AMD1: variants seen among roughly 807,000 people sequenced by gnomAD.
AMD1 encodes the protein S-adenosylmethionine decarboxylase proenzyme.
AMD1 carries 11 observed loss-of-function variants against 40.2 expected under a neutral mutation model. That is an observed-to-expected ratio of 0.27 (90% CI 0.17 to 0.45). The LOEUF (loss-of-function observed/expected upper bound fraction) is 0.45. Ranked by LOEUF, AMD1 falls within the 20% of genes least tolerant of loss-of-function variation. AMD1 has a pLI of 1.00. For missense variants in AMD1, 257 were observed against 410.2 expected (o/e 0.63, Z 3.23); for synonymous variants, 121 against 130.8 (o/e 0.93, Z 0.51).
the AMD1 span, among the ~76,000 whole-genome samples, chr6:110,827,797 T>G: frequency 6.6e-6 from 1 of 151,816 alleles, no homozygotes; most frequent in Non-Finnish European, 1.5e-5. Context: ...ACGAGAATGT[T>G]GCTAAAACAC....
intron 4 of AMD1, 88 bp from the exon 5 acceptor site, chr6:110,892,073 A>G (rs1786051389): frequency 7.7e-6 from 11 of 1,422,452 alleles, no homozygotes; most frequent in Non-Finnish European, 1.1e-5. Context: ...GGCAAATAGT[A>G]TCATTCTGCT....
At chr6:110,855,065 C>CTCTTTTTTTTTTTT in the AMD1 span, among the ~76,000 whole-genome samples, 3 of 80,464 alleles carry the variant, frequency 3.7e-5, no homozygotes, top group African/African-American at 4.9e-5. Flanking sequence ...CTCTCTCTCT[C>CTCTTTTTTTTTTTT]TTTTTTTTTT....
chr6:110,835,620 C>T, the AMD1 span, among the ~76,000 whole-genome samples: 2 of 152,056 alleles, frequency 1.3e-5, no homozygotes, highest in African/African-American at 2.4e-5. Flanking sequence ...AATCCCAGCA[C>T]TTTGGGAGGC....
the AMD1 span, among the ~76,000 whole-genome samples, chr6:110,834,250 G>A: frequency 6.6e-6 from 1 of 152,036 alleles, no homozygotes; most frequent in Non-Finnish European, 1.5e-5. Context: ...GAAGTGGGAG[G>A]ATCGCTTGTG....
At chr6:110,879,917 T>C (rs916128315) in intron 1 of AMD1, among the ~76,000 whole-genome samples, 1 of 152,088 alleles carries the variant, frequency 6.6e-6, no homozygotes, top group African/African-American at 2.4e-5. Flanking sequence ...TTTCAGGTGA[T>C]TAGAGCATAA....
At chr6:110,825,443 A>G in the AMD1 span, among the ~76,000 whole-genome samples, 1 of 152,212 alleles carries the variant, frequency 6.6e-6, no homozygotes, top group Non-Finnish European at 1.5e-5. Flanking sequence ...TACTTTGTAT[A>G]TGTTAAACCA....
intron 1 of AMD1, among the ~76,000 whole-genome samples, chr6:110,883,832 T>G (rs1420161456): frequency 1.3e-5 from 2 of 152,142 alleles, no homozygotes; most frequent in East Asian, 3.9e-4. Flanking sequence ...CTCCTGACCT[T>G]GTGATCCTCC....
chr6:110,842,418 T>C, the AMD1 span, among the ~76,000 whole-genome samples: 1 of 152,094 alleles, frequency 6.6e-6, no homozygotes, highest in Non-Finnish European at 1.5e-5. Flanking sequence ...TTCTCTAAAT[T>C]TGGGGATCCT....
the AMD1 span, among the ~76,000 whole-genome samples, chr6:110,826,099 C>T: frequency 2.5e-4 from 37 of 149,188 alleles, no homozygotes; most frequent in East Asian, 6.7e-3. Flanking sequence ...CCTAGGAGTT[C>T]GAGGCTGCAG....
At chr6:110,841,590 G>C in the AMD1 span, among the ~76,000 whole-genome samples, 3 of 152,000 alleles carry the variant, frequency 2.0e-5, no homozygotes, top group Non-Finnish European at 2.9e-5. Context: ...GGCCAGTCGA[G>C]TTAAGTTTAG....
At chr6:110,815,226 T>C in the AMD1 span, 1 of 1,197,528 alleles carries the variant, frequency 8.4e-7, no homozygotes. Flanking sequence ...GCTCCACTTC[T>C]CCAACAGCCG....
the AMD1 span, among the ~76,000 whole-genome samples, chr6:110,834,478 C>A: frequency 6.6e-6 from 1 of 152,290 alleles, no homozygotes; most frequent in African/African-American, 2.4e-5. Context: ...ATTTCCTTAT[C>A]TGCTTCTGCA....
the AMD1 span, among the ~76,000 whole-genome samples, chr6:110,834,504 T>C: frequency 6.6e-6 from 1 of 152,154 alleles, no homozygotes; most frequent in African/African-American, 2.4e-5. Context: ...TCTATTGCAA[T>C]ATGTTGTTTT....
chr6:110,850,312 A>G, the AMD1 span, among the ~76,000 whole-genome samples: 81 of 152,316 alleles, frequency 5.3e-4, no homozygotes, highest in African/African-American at 1.8e-3. Context: ...GTAAACTCTT[A>G]GACGTTGGGA....
chr6:110,838,929 C>T, the AMD1 span, among the ~76,000 whole-genome samples: 19 of 152,002 alleles, frequency 1.2e-4, no homozygotes, highest in African/African-American at 4.6e-4. Flanking sequence ...CCACCACAGC[C>T]AGATAATTTT....
the AMD1 span, among the ~76,000 whole-genome samples, chr6:110,832,183 T>C: frequency 6.6e-6 from 1 of 151,838 alleles, no homozygotes; most frequent in Non-Finnish European, 1.5e-5. Context: ...TTTTTTGTAT[T>C]TTTAGTAGAG....
the AMD1 span, among the ~76,000 whole-genome samples, chr6:110,862,945 T>G: frequency 6.6e-6 from 1 of 150,692 alleles, no homozygotes; most frequent in East Asian, 1.9e-4. Flanking sequence ...TTTTTGTTTG[T>G]TTTTGTTTGT....
At chr6:110,815,821 T>C in the AMD1 span, 2 of 152,472 alleles carry the variant, frequency 1.3e-5, no homozygotes, top group African/African-American at 4.8e-5. Context: ...GCTGAAGGGT[T>C]GGCTGCAGTG....
the AMD1 span, among the ~76,000 whole-genome samples, chr6:110,830,589 T>A: frequency 6.6e-6 from 1 of 152,236 alleles, no homozygotes; most frequent in Non-Finnish European, 1.5e-5. Flanking sequence ...GGTATAAATA[T>A]GACTGCAGAA....
Sources: gnomAD v4.1 joint callset for allele counts (sites outside exome capture counted in the v4.1 genomes callset) on GRCh38, gnomAD v4.1.1 for gene constraint, MANE v1.5 for transcripts, NCBI Gene and HGNC (gene_info 2026-07-23, HGNC 2026-07-21) for gene names.